The following LRRTM4 variants were observed in gnomAD, a reference collection of about 807,000 sequenced individuals.
LRRTM4 encodes the protein leucine-rich repeat transmembrane neuronal protein 4.
A neutral mutation model predicts 47.6 loss-of-function variants in LRRTM4; 25 were observed. That is an observed-to-expected ratio of 0.53 (90% CI 0.38 to 0.73). LRRTM4 has a LOEUF of 0.73. Among genes scored for constraint, LRRTM4 ranks in the 30% least tolerant of loss-of-function variants. LRRTM4 has a pLI of 0.00. For synonymous variants in LRRTM4, 311 were observed against 269.5 expected (o/e 1.15, Z -1.51); for missense variants, 638 against 713.4 (o/e 0.89, Z 1.20).
At chr2:76,806,928 C>T (rs1296555494) in intron 3 of LRRTM4, among the ~76,000 whole-genome samples, 2 of 152,054 alleles carry the variant, frequency 1.3e-5, no homozygotes, top group East Asian at 3.8e-4. Context: ...GACTTATAAA[C>T]TTATGGCCAT....
intron 3 of LRRTM4, among the ~76,000 whole-genome samples, chr2:77,080,247 A>G (rs1680487690): frequency 6.6e-6 from 1 of 152,130 alleles, no homozygotes; most frequent in African/African-American, 2.4e-5. Flanking sequence ...TCCCCCTTAC[A>G]TAACTGGTTG....
chr2:76,809,783 G>A (rs1324122330), intron 3 of LRRTM4, among the ~76,000 whole-genome samples: 1 of 152,132 alleles, frequency 6.6e-6, no homozygotes, highest in Non-Finnish European at 1.5e-5. Flanking sequence ...GCTTTCTCAT[G>A]TGGATCCAGC....
At chr2:76,847,954 G>T (rs1370003547) in intron 3 of LRRTM4, among the ~76,000 whole-genome samples, 1 of 152,080 alleles carries the variant, frequency 6.6e-6, no homozygotes, top group African/African-American at 2.4e-5. Flanking sequence ...AGTAAGAAAT[G>T]GAAGATCTAC....
chr2:76,890,586 G>GA, intron 3 of LRRTM4, among the ~76,000 whole-genome samples: 1 of 151,724 alleles, frequency 6.6e-6, no homozygotes, highest in South Asian at 2.1e-4. Flanking sequence ...CATCAGATAA[G>GA]AAAAAAATAG....
At chr2:77,072,438 G>C (rs1333496505) in intron 3 of LRRTM4, among the ~76,000 whole-genome samples, 2 of 152,038 alleles carry the variant, frequency 1.3e-5, no homozygotes, top group Non-Finnish European at 2.9e-5. Flanking sequence ...TCTCAAAATA[G>C]ATGAATCCAA....
chr2:76,960,391 T>C (rs1045267837), intron 3 of LRRTM4, among the ~76,000 whole-genome samples: 6 of 151,790 alleles, frequency 4.0e-5, no homozygotes, highest in Middle Eastern at 3.4e-3. Context: ...ATAAGCATTA[T>C]AATTATTACT....
Position 77,159,926 on chromosome 2 carries a change from A to G in LRRTM4, c.1551+358392T>C, listed in dbSNP as rs371494936. On this transcript the variant is annotated intron_variant, in intron 3 of 3. Coordinates refer to ENST00000409884, the MANE Select transcript of LRRTM4 (RefSeq NM_001134745.3). ...ATTGTGACAGAATCAATCTAACACA[A>G]TTCAGATTGTGTAATGTCAATTGTT... Among the ~76,000 whole-genome samples, 28 of 152,320 alleles carry G rather than the reference A, an allele frequency of 1.8e-4. No homozygotes were observed. The East Asian group carries it at 3.7e-3, about 20-fold the overall frequency.
At chr2:76,841,774 AAAAT>A (rs1468745799) in intron 3 of LRRTM4, among the ~76,000 whole-genome samples, 1 of 152,094 alleles carries the variant, frequency 6.6e-6, no homozygotes, top group Admixed American at 6.6e-5. Context: ...GAAAGAAGGC[AAAAT>A]AAATAACCAA....
intron 3 of LRRTM4, among the ~76,000 whole-genome samples, chr2:76,832,442 A>G (rs1256350274): frequency 3.4e-5 from 5 of 145,122 alleles, no homozygotes; most frequent in African/African-American, 1.3e-4. Context: ...GTTTCAGTGC[A>G]TCCTCGAAGG....
At chr2:76,889,057 C>G (rs2104145485) in intron 3 of LRRTM4, among the ~76,000 whole-genome samples, 1 of 151,946 alleles carries the variant, frequency 6.6e-6, no homozygotes, top group African/African-American at 2.4e-5. Flanking sequence ...GACAACATCA[C>G]AAAGGCTAAA....
chr2:76,772,730 C>A (rs570642335), intron 3 of LRRTM4, among the ~76,000 whole-genome samples: 10 of 152,234 alleles, frequency 6.6e-5, no homozygotes, highest in Admixed American at 6.5e-4. Context: ...CAGTATAGTA[C>A]AATAAGACAT....
At chr2:77,394,663 C>T (rs290026) in intron 3 of LRRTM4, among the ~76,000 whole-genome samples, 4,182 of 152,002 alleles carry the variant, frequency 0.028, 116 homozygotes, top group Non-Finnish European at 0.04. Flanking sequence ...TCATGAAGGG[C>T]GTCCTAACAC....
At chr2:77,124,330 A>G (rs1187239061) in intron 3 of LRRTM4, among the ~76,000 whole-genome samples, 1 of 152,086 alleles carries the variant, frequency 6.6e-6, no homozygotes, top group Non-Finnish European at 1.5e-5. Context: ...TTAAATACAC[A>G]CAGGACAATG....
chr2:77,367,360 C>T (rs528892193), intron 3 of LRRTM4, among the ~76,000 whole-genome samples: 83 of 151,580 alleles, frequency 5.5e-4, no homozygotes, highest in African/African-American at 2.0e-3. Flanking sequence ...ATGATTACAA[C>T]ACCAGCTATT....
intron 3 of LRRTM4, among the ~76,000 whole-genome samples, chr2:77,403,274 C>A (rs2103840982): frequency 6.6e-6 from 1 of 151,996 alleles, no homozygotes; most frequent in South Asian, 2.1e-4. Context: ...CAGAAAAATC[C>A]AAAATATTTC....
chr2:76,979,873 A>G (rs1168513066), intron 3 of LRRTM4, among the ~76,000 whole-genome samples: 2 of 151,924 alleles, frequency 1.3e-5, no homozygotes, highest in Non-Finnish European at 2.9e-5. Context: ...TCCACTTACT[A>G]TAATAACTTC....
intron 3 of LRRTM4, among the ~76,000 whole-genome samples, chr2:77,344,887 G>A (rs1380538878): frequency 2.0e-5 from 3 of 151,006 alleles, no homozygotes; most frequent in East Asian, 2.0e-4. Flanking sequence ...ATACCTGGGG[G>A]TAAATTATGT....
intron 3 of LRRTM4, among the ~76,000 whole-genome samples, chr2:77,413,448 T>G (rs1348157688): frequency 6.6e-6 from 1 of 152,174 alleles, no homozygotes; most frequent in Non-Finnish European, 1.5e-5. Context: ...GTTTTCTTTT[T>G]CAGAAGCTAC....
At chr2:77,316,645 T>A (rs930805716) in intron 3 of LRRTM4, among the ~76,000 whole-genome samples, 5 of 151,918 alleles carry the variant, frequency 3.3e-5, no homozygotes, top group African/African-American at 7.3e-5. Context: ...CCTCCTAGAT[T>A]CAAGCGGTCC....
Sources: gnomAD v4.1 joint callset for allele counts (sites outside exome capture counted in the v4.1 genomes callset) on GRCh38, gnomAD v4.1.1 for gene constraint, MANE v1.5 for transcripts, NCBI Gene and HGNC (gene_info 2026-07-23, HGNC 2026-07-21) for gene names.